The following PXDNL variants were observed in gnomAD, a reference collection of about 807,000 sequenced individuals.
The protein encoded by PXDNL is probable oxidoreductase PXDNL.
PXDNL carries 145 observed loss-of-function variants against 150.8 expected under a neutral mutation model. That is an observed-to-expected ratio of 0.96 (90% CI 0.84 to 1.10). The LOEUF is 1.10. Among genes scored for constraint, PXDNL ranks in the 50% least tolerant of loss-of-function variants. PXDNL has a pLI of 0.00. For missense variants in PXDNL, 2,087 were observed against 1,873.9 expected, an observed-to-expected ratio of 1.11 and a Z score of -2.10; for synonymous variants, 757 against 725.7, an observed-to-expected ratio of 1.04 and a Z score of -0.69.
intron 3 of PXDNL, among the ~76,000 whole-genome samples, chr8:51,561,003 A>G (rs1015780087): frequency 1.3e-5 from 2 of 151,974 alleles, no homozygotes; most frequent in Admixed American, 6.6e-5. Flanking sequence ...AAGAAAATAT[A>G]CAAGTGACCA....
At position 51,409,396 on chromosome 8, in the gene PXDNL, C is replaced by T. The variant is rs761678027; in HGVS notation, c.2228G>A (p.Gly743Asp). ...TCNNLQQPTW[G>D]AALTAFARLL... The stretch of plus-strand genomic sequence containing the variant: ...GCGCGCGAAGGCGGTCAGCGCCGCG[C>T]CCCACGTGGGCTGCTGCAGGTTGTT... The change falls in exon 17 of 23, where the codon GGC becomes GAC. Residue 743 changes from glycine to aspartate, a missense_variant. By Grantham distance (94) the Gly-to-Asp change is moderately conservative (BLOSUM62 -1). Coordinates refer to ENST00000356297, the MANE Select transcript of PXDNL (RefSeq NM_144651.5). 2 of 1,608,010 alleles carry T rather than the reference C, an allele frequency of 1.2e-6. No individual in the cohort carries two copies. The highest frequency in any genetic ancestry group is 1.3e-5 in the African/African-American group (1 of 74,728).
At chr8:51,712,551 T>G (rs920047219) in intron 1 of PXDNL, among the ~76,000 whole-genome samples, 1 of 152,240 alleles carries the variant, frequency 6.6e-6, no homozygotes, top group Non-Finnish European at 1.5e-5. Flanking sequence ...GCCTGGGACA[T>G]AGTACTAACT....
intron 17 of PXDNL, among the ~76,000 whole-genome samples, chr8:51,385,346 C>T (rs1162230509): frequency 3.3e-5 from 5 of 149,382 alleles, no homozygotes; most frequent in Non-Finnish European, 7.4e-5. Context: ...AAAAAAAAAA[C>T]ACTTTCCACT....
chr8:51,519,248 T>C (rs879600890), intron 4 of PXDNL, among the ~76,000 whole-genome samples: 3 of 152,096 alleles, frequency 2.0e-5, no homozygotes, highest in African/African-American at 7.2e-5. Context: ...TGATCAAGAA[T>C]TTCCTGAAGA....
In PXDNL at chr8:51,408,089, C is replaced by T; in HGVS notation, c.3535G>A (p.Glu1179Lys). Reference sequence around the variant, plus strand: ...TACTTTCTCAGTTTTTGTCTAATCTCTGAATCTTTAATTTCATTTTGAAGA... The same window carrying T: ...TACTTTCTCAGTTTTTGTCTAATCTTTGAATCTTTAATTTCATTTTGAAGA... Reference protein sequence around the residue: ...EDLQNEIKDSEIRQKLRKLYG... With the variant: ...EDLQNEIKDSKIRQKLRKLYG... The change falls in exon 17 of 23, where the codon GAG becomes AAG. Residue 1179 changes from glutamate (E) to lysine (K), a missense_variant. Coordinates refer to ENST00000356297, the MANE Select transcript of PXDNL (RefSeq NM_144651.5). 1 of 1,607,208 alleles carries T rather than the reference C, an allele frequency of 6.2e-7. No individual in the cohort carries two copies. The highest frequency in any genetic ancestry group is 8.5e-7 in the Non-Finnish European group (1 of 1,177,998).
At chr8:51,676,434 G>A (rs1196474066) in intron 1 of PXDNL, among the ~76,000 whole-genome samples, 1 of 152,102 alleles carries the variant, frequency 6.6e-6, no homozygotes, top group East Asian at 1.9e-4. Flanking sequence ...ATGCCACCAT[G>A]CCTGGCTAAT....
intron 14 of PXDNL, among the ~76,000 whole-genome samples, chr8:51,421,350 CAGGAAA>C (rs1808946312): frequency 1.3e-5 from 2 of 152,122 alleles, no homozygotes; most frequent in Admixed American, 6.5e-5. Context: ...GATTTTAAAT[CAGGAAA>C]ATCATGAACT....
Position 51,345,715 on chromosome 8 carries a change from T to A in PXDNL, c.4016+118A>T, listed in dbSNP as rs1806130119. ...CTGTGTTTTCTCCTTTTCATGTGAT[T>A]CATCCTATATGTAAATAAGTTAACT... On this transcript the variant is annotated intron_variant, in intron 20 of 22. Transcript: ENST00000356297. The A allele has an allele frequency of 5.1e-6, 3 of 590,932 alleles. No individual in the cohort carries two copies. The South Asian group carries it at 6.4e-5, about 13-fold the overall frequency. The allele number at this position is 590,932 out of a possible 1,614,324, so 36.6% of individuals were successfully genotyped here.
chr8:51,491,884 T>C (rs1383705807), intron 5 of PXDNL, among the ~76,000 whole-genome samples: 1 of 152,228 alleles, frequency 6.6e-6, no homozygotes. Flanking sequence ...TCCATCTGTC[T>C]TGCACCAGGG....
chr8:51,677,041 G>A (rs1236463343), intron 1 of PXDNL, among the ~76,000 whole-genome samples: 1 of 152,230 alleles, frequency 6.6e-6, no homozygotes, highest in Non-Finnish European at 1.5e-5. Flanking sequence ...TCCAGTTGCA[G>A]TAGCTGCAGG....
intron 1 of PXDNL, among the ~76,000 whole-genome samples, chr8:51,804,068 G>A (rs1359241701): frequency 2.0e-5 from 3 of 152,234 alleles, no homozygotes; most frequent in Non-Finnish European, 4.4e-5. Context: ...CTGATGACAT[G>A]ATAGAGCACA....
chr8:51,544,677 C>G (rs908012668), intron 4 of PXDNL, among the ~76,000 whole-genome samples: 1 of 152,116 alleles, frequency 6.6e-6, no homozygotes, highest in African/African-American at 2.4e-5. Flanking sequence ...CCTCACCCCC[C>G]ACAACCTACT....
intron 19 of PXDNL, among the ~76,000 whole-genome samples, chr8:51,368,448 T>TA (rs1043681884): frequency 2.0e-5 from 3 of 151,950 alleles, no homozygotes; most frequent in Admixed American, 6.6e-5. Flanking sequence ...TCCAGGATTT[T>TA]AAAAAAATGT....
intron 4 of PXDNL, among the ~76,000 whole-genome samples, chr8:51,525,172 G>A (rs865795432): frequency 2.1e-4 from 32 of 151,886 alleles, no homozygotes; most frequent in Non-Finnish European, 3.7e-4. Flanking sequence ...CCCACAACAG[G>A]AAAAGTGCAG....
chr8:51,464,935 G>A (rs936449074), intron 8 of PXDNL, among the ~76,000 whole-genome samples: 6 of 152,068 alleles, frequency 3.9e-5, no homozygotes, highest in Admixed American at 2.6e-4. Context: ...ATCAAAAAAG[G>A]CTTGGACTAC....
In PXDNL at chr8:51,809,388, G is replaced by GAGCAGC. The variant is rs2129268217; in HGVS notation, c.-50_-45dup. 6.7e-7 allele frequency: 1 copy of GAGCAGC among 1,487,160 alleles called. No individual in the cohort carries two copies. The highest frequency in any genetic ancestry group is 1.5e-5 in the African/African-American group (1 of 67,026). 92.1% of individuals were successfully genotyped at this position (1,487,160 alleles called of 1,614,324 possible). On this transcript the variant is annotated 5_prime_UTR_variant, in exon 1 of 23. Coordinates refer to ENST00000356297, the MANE Select transcript of PXDNL (RefSeq NM_144651.5). ...CCACGCGAAGAAGCAGCCGGAGGGA[G>GAGCAGC]AGCAGCAGCTGCAGCTGCAGCAGCA...
chr8:51,424,504 T>C (rs1809039531), intron 13 of PXDNL, among the ~76,000 whole-genome samples: 1 of 150,504 alleles, frequency 6.6e-6, no homozygotes, highest in Non-Finnish European at 1.5e-5. Context: ...ATGTTTTGTA[T>C]AGCTACACTG....
At chr8:51,359,639 G>C (rs1031079699) in intron 19 of PXDNL, among the ~76,000 whole-genome samples, 2 of 152,146 alleles carry the variant, frequency 1.3e-5, no homozygotes, top group Admixed American at 1.3e-4. Flanking sequence ...CCTTGTTGAA[G>C]AAATATGCAA....
intron 1 of PXDNL, among the ~76,000 whole-genome samples, chr8:51,691,805 A>C (rs1816005690): frequency 6.6e-6 from 1 of 152,160 alleles, no homozygotes; most frequent in Admixed American, 6.5e-5. Context: ...CAGAACACTT[A>C]TCCTCAGCCC....
Sources: gnomAD v4.1 joint callset for allele counts (sites outside exome capture counted in the v4.1 genomes callset) on GRCh38, gnomAD v4.1.1 for gene constraint, MANE v1.5 for transcripts, NCBI Gene and HGNC (gene_info 2026-07-23, HGNC 2026-07-21) for gene names.